Variants in KLHL29 observed in about 807,000 individuals in gnomAD.
The protein encoded by KLHL29 is kelch-like protein 29.
Under a neutral mutation model 80.4 loss-of-function variants are expected in KLHL29, and 21 were observed. The observed-to-expected ratio is 0.26, with a 90% CI of 0.19 to 0.38. The LOEUF is 0.38. KLHL29 is among the 10% of genes least tolerant of loss of function. The probability of loss-of-function intolerance (pLI) is 1.00; values close to 1 mark genes in which losing one functional copy is unlikely to be tolerated. For missense variants in KLHL29, 867 were observed against 1,223.9 expected (o/e 0.71, Z 4.35); for synonymous variants, 511 against 526.8 (o/e 0.97, Z 0.41).
intron 5 of KLHL29, among the ~76,000 whole-genome samples, chr2:23,683,345 G>A (rs1311488178): frequency 6.6e-6 from 1 of 152,226 alleles, no homozygotes; most frequent in African/African-American, 2.4e-5. Flanking sequence ...CCTCTGACGC[G>A]CAGCTGCCAG....
chr2:23,500,419 C>T (rs985175184), intron 2 of KLHL29, among the ~76,000 whole-genome samples: 4 of 152,196 alleles, frequency 2.6e-5, no homozygotes, highest in African/African-American at 9.6e-5. Context: ...TAGGAATTTG[C>T]ATACCACTTG....
intron 13 of KLHL29, among the ~76,000 whole-genome samples, chr2:23,704,837 G>C (rs932430292): frequency 4.6e-5 from 7 of 152,234 alleles, no homozygotes; most frequent in African/African-American, 1.7e-4. Context: ...AAGACATCTT[G>C]TGCCTATGTA....
At chr2:23,423,337 C>G (rs563166485) in intron 1 of KLHL29, among the ~76,000 whole-genome samples, 2 of 152,242 alleles carry the variant, frequency 1.3e-5, no homozygotes, top group South Asian at 4.1e-4. Flanking sequence ...CTCCCCAGGC[C>G]GTGCCTCCCA....
intron 2 of KLHL29, among the ~76,000 whole-genome samples, chr2:23,495,346 T>G (rs1266546068): frequency 6.6e-6 from 1 of 152,142 alleles, no homozygotes; most frequent in African/African-American, 2.4e-5. Flanking sequence ...TGCTTTTTGG[T>G]GAGGTGGGTC....
intron 1 of KLHL29, among the ~76,000 whole-genome samples, chr2:23,395,028 G>T (rs1469146415): frequency 1.3e-5 from 2 of 152,214 alleles, no homozygotes; most frequent in African/African-American, 4.8e-5. Flanking sequence ...TGGGGATCAT[G>T]GTCCTTGAAG....
At chr2:23,705,799 C>T (rs746879381) in intron 13 of KLHL29, among the ~76,000 whole-genome samples, 5 of 152,056 alleles carry the variant, frequency 3.3e-5, no homozygotes, top group African/African-American at 9.7e-5. Flanking sequence ...AGGATGTGGA[C>T]GTCAGTGCAA....
chr2:23,476,386 A>C (rs1335884527), intron 2 of KLHL29, among the ~76,000 whole-genome samples: 1 of 152,204 alleles, frequency 6.6e-6, no homozygotes, highest in Non-Finnish European at 1.5e-5. Context: ...AGTAGCTAAA[A>C]GTATATAAAT....
At chr2:23,625,117 T>A (rs891429384) in intron 3 of KLHL29, among the ~76,000 whole-genome samples, 1 of 152,194 alleles carries the variant, frequency 6.6e-6, no homozygotes, top group Non-Finnish European at 1.5e-5. Flanking sequence ...GCCGTGGTCA[T>A]CCAGGCTGGT....
At chr2:23,504,223 T>C (rs1448914412) in intron 2 of KLHL29, among the ~76,000 whole-genome samples, 1 of 152,196 alleles carries the variant, frequency 6.6e-6, no homozygotes, top group East Asian at 1.9e-4. Context: ...ATTATTAGAA[T>C]TTTTAAAAAT....
chr2:23,563,632 C>T (rs533105529), intron 3 of KLHL29, among the ~76,000 whole-genome samples: 3 of 152,256 alleles, frequency 2.0e-5, no homozygotes, highest in South Asian at 2.1e-4. Context: ...GCTGGAAAGC[C>T]GCGCTCCAGG....
chr2:23,642,281 G>T (rs1383096502), intron 4 of KLHL29, 57 bp from the exon 5 acceptor site: 4 of 1,387,512 alleles, frequency 2.9e-6, no homozygotes, highest in Non-Finnish European at 3.8e-6. Context: ...GGGATGGTCA[G>T]TGTTTGTTGA....
intron 8 of KLHL29, 104 bp downstream of exon 8, chr2:23,693,632 C>T (rs1671763193): frequency 2.4e-6 from 3 of 1,225,516 alleles, no homozygotes; most frequent in Non-Finnish European, 3.4e-6. Context: ...CCTTGTCCTG[C>T]TCTCCCTAAG....
chr2:23,626,642 T>C (rs1572448553), intron 3 of KLHL29, among the ~76,000 whole-genome samples: 1 of 152,344 alleles, frequency 6.6e-6, no homozygotes, highest in South Asian at 2.1e-4. Context: ...CAGAACAGGA[T>C]TGCCTCTCAG....
chr2:23,619,679 G>A (rs575962687), intron 3 of KLHL29, among the ~76,000 whole-genome samples: 4 of 152,248 alleles, frequency 2.6e-5, no homozygotes, highest in Non-Finnish European at 5.9e-5. Context: ...TTAACAGCTT[G>A]ATTAGAAAGG....
intron 2 of KLHL29, among the ~76,000 whole-genome samples, chr2:23,555,297 C>G (rs150107708): frequency 5.6e-4 from 86 of 152,288 alleles, no homozygotes; most frequent in African/African-American, 1.9e-3. Flanking sequence ...CTGCCCAGTT[C>G]CTGTTGAGAC....
intron 4 of KLHL29, 47 bp downstream of exon 4, chr2:23,639,327 C>G: frequency 3.9e-6 from 6 of 1,525,474 alleles, no homozygotes; most frequent in Non-Finnish European, 5.3e-6. Flanking sequence ...CAGGGCTTGG[C>G]GGGAAGCTAG....
At chr2:23,499,454 T>G (rs986859901) in intron 2 of KLHL29, among the ~76,000 whole-genome samples, 4 of 152,186 alleles carry the variant, frequency 2.6e-5, no homozygotes, top group African/African-American at 4.8e-5. Flanking sequence ...CTTATGTTCT[T>G]GCTCCAGAGC....
intron 5 of KLHL29, among the ~76,000 whole-genome samples, chr2:23,673,719 CTACACAGGCACA>C: frequency 6.9e-6 from 1 of 145,626 alleles, no homozygotes; most frequent in Non-Finnish European, 1.5e-5. Flanking sequence ...ACACACACCC[CTACACAGGCACA>C]TACACAGGGG....
chr2:23,483,636 G>A (rs949969240), intron 2 of KLHL29, among the ~76,000 whole-genome samples: 1 of 152,192 alleles, frequency 6.6e-6, no homozygotes, highest in South Asian at 2.1e-4. Flanking sequence ...GTGACCTAGT[G>A]CTTTTAGGTT....
Sources: gnomAD v4.1 joint callset for allele counts (sites outside exome capture counted in the v4.1 genomes callset) on GRCh38, gnomAD v4.1.1 for gene constraint, MANE v1.5 for transcripts, NCBI Gene and HGNC (gene_info 2026-07-23, HGNC 2026-07-21) for gene names.